The following STXBP4 variants were observed in gnomAD, a reference collection of about 807,000 sequenced individuals.
The protein encoded by STXBP4 is syntaxin-binding protein 4.
STXBP4 carries 55 observed loss-of-function variants against 76.1 expected under a neutral mutation model. The ratio of observed to expected loss-of-function variants is 0.72; its 90% CI spans 0.58 to 0.91. The LOEUF (loss-of-function observed/expected upper bound fraction) is 0.91, where lower values mean the gene tolerates loss of function less well. STXBP4 is among the 40% of genes least tolerant of loss of function. The pLI, the probability that STXBP4 is intolerant of heterozygous loss-of-function variation, is 0.00. For missense variants in STXBP4, 618 were observed against 636.9 expected (o/e 0.97, Z 0.32); for synonymous variants, 201 against 220.2 (o/e 0.91, Z 0.77).
intron 16 of STXBP4, among the ~76,000 whole-genome samples, chr17:55,109,736 TCTC>T (rs1363833954): frequency 6.6e-6 from 1 of 151,244 alleles, no homozygotes; most frequent in Non-Finnish European, 1.5e-5. Flanking sequence ...TTCAAGCAAT[TCTC>T]CTGCCTTAGC....
At chr17:55,078,596 C>A in intron 14 of STXBP4, 90 bp from the exon 15 acceptor site, 1 of 804,132 alleles carries the variant, frequency 1.2e-6, no homozygotes, top group Non-Finnish European at 2.1e-6. Flanking sequence ...AATCCGTGGA[C>A]AGAGGAGGTT....
intron 16 of STXBP4, among the ~76,000 whole-genome samples, chr17:55,088,138 T>A (rs901402517): frequency 3.9e-5 from 6 of 152,246 alleles, no homozygotes; most frequent in Non-Finnish European, 5.9e-5. Flanking sequence ...TAAATTCAGC[T>A]GATTTTCTTT....
At chr17:55,001,251 A>T (rs1347018742) in intron 7 of STXBP4, among the ~76,000 whole-genome samples, 1 of 152,206 alleles carries the variant, frequency 6.6e-6, no homozygotes, top group East Asian at 1.9e-4. Context: ...CGGAAAACAC[A>T]TTATAGAAGG....
At chr17:55,155,706 T>G (rs1431992206) in intron 17 of STXBP4, among the ~76,000 whole-genome samples, 1 of 152,268 alleles carries the variant, frequency 6.6e-6, no homozygotes, top group East Asian at 1.9e-4. Context: ...ACAGAACAAG[T>G]GCCCTTTTTG....
intron 1 of STXBP4, among the ~76,000 whole-genome samples, chr17:54,980,570 A>G (rs1204684667): frequency 1.3e-5 from 2 of 152,246 alleles, no homozygotes; most frequent in Non-Finnish European, 2.9e-5. Flanking sequence ...AATTTCCTCT[A>G]GAGGTTTTCC....
Position 55,111,878 on chromosome 17 carries a change from G to A in STXBP4, c.1490-29432G>A, listed in dbSNP as rs569433766. On this transcript the variant is annotated intron_variant, in intron 16 of 17. Transcript: ENST00000376352. The stretch of plus-strand genomic sequence containing the variant: ...TCCTTCAGACCTTCACAAGACTCAC[G>A]CTTTCATTTTATTCAGGGTTTGTTT... Among the ~76,000 whole-genome samples the A allele has an allele frequency of 9.8e-4, 148 of 151,104 alleles. No homozygotes were observed. The Middle Eastern group carries it at 0.01, about 10-fold the overall frequency.
intron 8 of STXBP4, among the ~76,000 whole-genome samples, chr17:55,024,275 T>C (rs1210809618): frequency 6.6e-6 from 1 of 152,226 alleles, no homozygotes; most frequent in Admixed American, 6.5e-5. Context: ...TCTGGACATA[T>C]ACACTAGAGA....
chr17:55,150,263 G>A (rs945140230), intron 17 of STXBP4, among the ~76,000 whole-genome samples: 4 of 152,130 alleles, frequency 2.6e-5, no homozygotes, highest in African/African-American at 9.7e-5. Flanking sequence ...AGATCAGGGC[G>A]CCATCAGGGT....
the STXBP4 span, among the ~76,000 whole-genome samples, chr17:55,181,491 C>T: frequency 6.6e-6 from 1 of 152,106 alleles, no homozygotes; most frequent in Admixed American, 6.6e-5. Context: ...GTTATTTTCA[C>T]CTTAAAATTC....
At chr17:55,071,881 G>T (rs772446649) in intron 12 of STXBP4, among the ~76,000 whole-genome samples, 1 of 152,146 alleles carries the variant, frequency 6.6e-6, no homozygotes, top group Admixed American at 6.6e-5. Context: ...TTCTATCGCA[G>T]AGAAAAGAGA....
At chr17:54,974,369 C>T (rs892379452) in intron 1 of STXBP4, among the ~76,000 whole-genome samples, 3 of 152,156 alleles carry the variant, frequency 2.0e-5, no homozygotes, top group Admixed American at 6.5e-5. Flanking sequence ...GCCCTGAAGT[C>T]GTCTCAGTCA....
intron 12 of STXBP4, among the ~76,000 whole-genome samples, chr17:55,050,228 C>T (rs768182122): frequency 2.4e-4 from 37 of 151,966 alleles, no homozygotes; most frequent in Admixed American, 5.9e-4. Flanking sequence ...AACTAAATTG[C>T]ATCCATATAC....
At position 55,168,429 on chromosome 17, in the gene STXBP4, G is replaced by A. The variant is rs1045939870; in HGVS notation, c.*8518G>A. 6.6e-6 allele frequency: 1 copy of A among 151,966 alleles called. No individual in the cohort carries two copies. Among genetic ancestry groups the A allele is most frequent in the Admixed American group, 6.5e-5 (1 of 15,272 alleles). The allele number at this position is 151,966 out of a possible 1,614,324, so 9.4% of individuals were successfully genotyped here. ...TTCCAATTAAGACTGTTCATTGATTGTATTTCTTCTGTCTCTATAAGTACC... is the reference window on the plus strand; with the variant it reads ...TTCCAATTAAGACTGTTCATTGATTATATTTCTTCTGTCTCTATAAGTACC... On this transcript the variant is annotated 3_prime_UTR_variant, in exon 18 of 18. Transcript: ENST00000376352.
downstream of STXBP4, among the ~76,000 whole-genome samples, chr17:55,178,508 C>T (rs1005611681): frequency 2.0e-5 from 3 of 152,202 alleles, no homozygotes; most frequent in African/African-American, 7.2e-5. Context: ...TTATGTGTAG[C>T]ACTTAAGTAC....
intron 7 of STXBP4, among the ~76,000 whole-genome samples, chr17:55,007,023 A>T (rs890943192): frequency 6.6e-6 from 1 of 152,194 alleles, no homozygotes; most frequent in Non-Finnish European, 1.5e-5. Flanking sequence ...CAACTTATAT[A>T]AAAAATTTAG....
At position 55,091,576 on chromosome 17, in the gene STXBP4, G is replaced by A. The variant is rs574288974; in HGVS notation, c.1489+10393G>A. 1.1e-3 allele frequency among the ~76,000 whole-genome samples: 167 copies of A among 151,936 alleles called. 1 individual carries two copies. The highest frequency in any genetic ancestry group is 3.7e-3 in the Admixed American group (57 of 15,230). On this transcript the variant is annotated intron_variant, in intron 16 of 17. Coordinates refer to ENST00000376352, the MANE Select transcript of STXBP4 (RefSeq NM_178509.6). ...AGGAGCATAACACAGTTTATTCAGC[G>A]TCCCCAAGAGAAAAAAAACTAACAA...
At chr17:55,179,810 G>T in the STXBP4 span, among the ~76,000 whole-genome samples, 1 of 152,222 alleles carries the variant, frequency 6.6e-6, no homozygotes, top group Admixed American at 6.5e-5. Context: ...TACAAAATAT[G>T]TGTTAATCAA....
chr17:55,082,760 A>G (rs2079272254), intron 16 of STXBP4, among the ~76,000 whole-genome samples: 3 of 152,150 alleles, frequency 2.0e-5, no homozygotes, highest in African/African-American at 7.2e-5. Context: ...ACAACCAAGA[A>G]TCACCTAATA....
intron 8 of STXBP4, among the ~76,000 whole-genome samples, chr17:55,030,435 C>T (rs769362324): frequency 1.3e-5 from 2 of 152,268 alleles, no homozygotes; most frequent in Non-Finnish European, 2.9e-5. Context: ...CCTTGTATCT[C>T]ATTGGCTAGT....
Sources: allele counts gnomAD v4.1 joint callset (sites outside exome capture counted in the v4.1 genomes callset), GRCh38; gene constraint gnomAD v4.1.1; transcripts MANE v1.5; gene names NCBI Gene and HGNC (gene_info 2026-07-23, HGNC 2026-07-21).